The following ZNF704 variants were observed in gnomAD, a reference collection of about 807,000 sequenced individuals.
ZNF704 encodes zinc finger protein 704, also known as glucocorticoid induced gene 1.
In ZNF704, 10 loss-of-function variants were observed where a neutral mutation model predicts 44.7. The ratio of observed to expected loss-of-function variants is 0.22; its 90% CI spans 0.14 to 0.38. The LOEUF (loss-of-function observed/expected upper bound fraction) is 0.38, where lower values mean the gene tolerates loss of function less well. Among genes scored for constraint, ZNF704 ranks in the 10% least tolerant of loss-of-function variants. The pLI, the probability that ZNF704 is intolerant of heterozygous loss-of-function variation, is 1.00. For synonymous variants in ZNF704, 211 were observed against 207.6 expected (o/e 1.02, Z -0.14); for missense variants, 390 against 545.5 (o/e 0.71, Z 2.84).
At chr8:80,650,214 A>G (rs1817894548) in intron 7 of ZNF704, among the ~76,000 whole-genome samples, 1 of 152,130 alleles carries the variant, frequency 6.6e-6, no homozygotes, top group Non-Finnish European at 1.5e-5. Context: ...AGATGGGGAA[A>G]AAACAGCAGA....
intron 2 of ZNF704, among the ~76,000 whole-genome samples, chr8:80,748,402 G>A (rs906762817): frequency 1.2e-4 from 19 of 152,148 alleles, no homozygotes; most frequent in African/African-American, 1.2e-4. Flanking sequence ...CCAACAGTAG[G>A]AGGCAGCTAC....
At position 80,780,419 on chromosome 8, in the gene ZNF704, AGAG is replaced by A. The variant is rs1318543002; in HGVS notation, c.221+40952_221+40954del. Among the ~76,000 whole-genome samples the A allele has an allele frequency of 3.3e-5, 5 of 152,160 alleles. No individual in the cohort carries two copies. The East Asian group carries it at 5.8e-4, about 18-fold the overall frequency. On this transcript the variant is annotated intron_variant, in intron 2 of 8. Transcript: ENST00000327835. ...TGGAAACTGACTGGCTGTTGGGGGAAGAGGAGAACAGCGGCATGTGTATTGAGT... is the reference window on the plus strand; with the variant it reads ...TGGAAACTGACTGGCTGTTGGGGGAAGAGAACAGCGGCATGTGTATTGAGT...
chr8:80,680,068 T>C (rs1818428685), intron 4 of ZNF704, among the ~76,000 whole-genome samples: 1 of 152,150 alleles, frequency 6.6e-6, no homozygotes. Context: ...TTCTAAAAAA[T>C]GGTTTCATAC....
intron 2 of ZNF704, among the ~76,000 whole-genome samples, chr8:80,817,417 C>G (rs1808194489): frequency 6.6e-6 from 1 of 152,210 alleles, no homozygotes; most frequent in Non-Finnish European, 1.5e-5. Context: ...CCTTGCCCAG[C>G]TACCTGGGAC....
chr8:80,659,511 T>G, intron 7 of ZNF704, 74 bp downstream of exon 7: 1 of 1,195,328 alleles, frequency 8.4e-7, no homozygotes, highest in Non-Finnish European at 1.2e-6. Context: ...CTTGCATGCC[T>G]CTACTATTTG....
chr8:80,719,523 C>G (rs556848885), intron 2 of ZNF704, among the ~76,000 whole-genome samples: 1 of 151,992 alleles, frequency 6.6e-6, no homozygotes, highest in Non-Finnish European at 1.5e-5. Context: ...AAATGTGCAC[C>G]GGTCAATTAT....
At chr8:80,663,496 A>G (rs897789913) in intron 6 of ZNF704, among the ~76,000 whole-genome samples, 9 of 152,070 alleles carry the variant, frequency 5.9e-5, no homozygotes, top group Non-Finnish European at 1.0e-4. Context: ...AGGGCCTGTT[A>G]AAACAGAATG....
chr8:80,690,348 C>A (rs746660206), intron 3 of ZNF704, among the ~76,000 whole-genome samples: 7 of 152,102 alleles, frequency 4.6e-5, no homozygotes, highest in Non-Finnish European at 7.4e-5. Flanking sequence ...CTTTAAAATA[C>A]ACTTTTCTTT....
intron 2 of ZNF704, among the ~76,000 whole-genome samples, chr8:80,820,347 TTCAGTGCTATTGG>T (rs1013393487): frequency 1.3e-5 from 2 of 152,162 alleles, no homozygotes; most frequent in Non-Finnish European, 2.9e-5. Context: ...TGTCCTTTGG[TTCAGTGCTATTGG>T]GTGTGGTTTA....
intron 2 of ZNF704, among the ~76,000 whole-genome samples, chr8:80,732,677 TG>T (rs1176792526): frequency 6.6e-6 from 1 of 152,184 alleles, no homozygotes; most frequent in African/African-American, 2.4e-5. Flanking sequence ...CCAGCCAAAC[TG>T]GGTGCAGTGG....
intron 1 of ZNF704, among the ~76,000 whole-genome samples, chr8:80,825,335 T>TAA (rs1173371994): frequency 3.2e-4 from 48 of 152,110 alleles, no homozygotes; most frequent in Non-Finnish European, 5.6e-4. Context: ...AGGAAGGCCA[T>TAA]TACATAATGG....
At chr8:80,769,872 T>A (rs1416648271) in intron 2 of ZNF704, among the ~76,000 whole-genome samples, 1 of 151,980 alleles carries the variant, frequency 6.6e-6, no homozygotes. Context: ...ATTAGCCCAT[T>A]TTCATGCTGC....
chr8:80,726,289 T>A (rs901436862), intron 2 of ZNF704, among the ~76,000 whole-genome samples: 4 of 152,184 alleles, frequency 2.6e-5, no homozygotes, highest in African/African-American at 9.6e-5. Flanking sequence ...AGTTTGAAAT[T>A]CAGCTCTGTA....
chr8:80,809,713 T>C (rs1313295023), intron 2 of ZNF704, among the ~76,000 whole-genome samples: 1 of 152,226 alleles, frequency 6.6e-6, no homozygotes. Context: ...ACAACACGAC[T>C]ATGGTTTGAC....
intron 2 of ZNF704, among the ~76,000 whole-genome samples, chr8:80,732,742 G>A (rs542698409): frequency 6.6e-6 from 1 of 152,114 alleles, no homozygotes; most frequent in Non-Finnish European, 1.5e-5. Flanking sequence ...GACTGCTTGA[G>A]CCCAGGAGTT....
At chr8:80,851,673 A>G (rs933433060) in intron 1 of ZNF704, among the ~76,000 whole-genome samples, 3 of 152,128 alleles carry the variant, frequency 2.0e-5, no homozygotes, top group Non-Finnish European at 2.9e-5. Flanking sequence ...ATGTATACAT[A>G]TGTAACAAAC....
chr8:80,825,286 A>G (rs184883335), intron 1 of ZNF704, among the ~76,000 whole-genome samples: 85 of 152,332 alleles, frequency 5.6e-4, no homozygotes, highest in African/African-American at 2.0e-3. Flanking sequence ...CTAGTCTCTG[A>G]TAAAACAGAC....
In ZNF704 at chr8:80,821,527, A is replaced by T. The variant is rs1563565461; in HGVS notation, c.68T>A (p.Val23Glu). ...DCGKKMSHQHVFSLAMEEDVK... is the reference protein window; with the variant it reads ...DCGKKMSHQHEFSLAMEEDVK... ...ATCTTCCTCCATGGCCAAGGAAAAC[A>T]CGTGTTGATGAGACATTTTTTTACC... Residue 23 changes from valine to glutamate, a missense_variant, in exon 2 of 9, where the codon GTG becomes GAG. By Grantham distance (121) the Val-to-Glu change is moderately radical (BLOSUM62 -2). Around this residue, in one of 3 missense-constraint regions of ZNF704, gnomAD observed 80 missense variants for 83.7 expected, o/e 0.96. Coordinates refer to ENST00000327835, the MANE Select transcript of ZNF704 (RefSeq NM_001033723.3). The T allele has an allele frequency of 6.2e-7, 1 of 1,614,154 alleles. No homozygotes were observed.
At chr8:80,689,180 T>C (rs1470551996) in intron 3 of ZNF704, among the ~76,000 whole-genome samples, 3 of 152,166 alleles carry the variant, frequency 2.0e-5, no homozygotes, top group Non-Finnish European at 4.4e-5. Flanking sequence ...ATACTGTTAA[T>C]GTCTGTGTAA....
Sources: allele counts gnomAD v4.1 joint callset (sites outside exome capture counted in the v4.1 genomes callset), GRCh38; gene constraint gnomAD v4.1.1; regional missense constraint gnomAD v4.1.1; transcripts MANE v1.5; gene names NCBI Gene and HGNC (gene_info 2026-07-23, HGNC 2026-07-21).